The following LRRC20 variants were observed in gnomAD, a reference collection of about 807,000 sequenced individuals.
The protein encoded by LRRC20 is leucine rich repeat containing 20, also known as leucine-rich repeat-containing protein 20.
LRRC20 carries 11 observed loss-of-function variants against 14.4 expected under a neutral mutation model. The ratio of observed to expected loss-of-function variants is 0.77; its 90% CI spans 0.48 to 1.27. The LOEUF (loss-of-function observed/expected upper bound fraction) is 1.27. Ranked by LOEUF, LRRC20 falls within the 50% of genes most tolerant of loss-of-function variation. LRRC20 has a pLI of 0.00. For missense variants in LRRC20, 219 were observed against 251.2 expected, an observed-to-expected ratio of 0.87 and a Z score of 0.87; for synonymous variants, 121 against 107.3, an observed-to-expected ratio of 1.13 and a Z score of -0.79.
chr10:70,367,530 A>G (rs919231576), intron 2 of LRRC20, among the ~76,000 whole-genome samples: 27 of 152,182 alleles, frequency 1.8e-4, no homozygotes, highest in Non-Finnish European at 3.5e-4. Flanking sequence ...GAAAGGAACA[A>G]ACTACTGATT....
intron 2 of LRRC20, among the ~76,000 whole-genome samples, chr10:70,356,083 G>A (rs10823528): frequency 0.07 from 10,610 of 152,272 alleles, 422 homozygotes; most frequent in South Asian, 0.15. Context: ...GACCTAGAAA[G>A]CAATATCTTC....
rs1015313560 is a variant in LRRC20 at position 70,318,144 on chromosome 10, C to T, written c.400+5719G>A. On this transcript the variant is annotated intron_variant, in intron 4 of 4. Transcript: ENST00000446961. The stretch of plus-strand genomic sequence containing the variant: ...CTTCCGGAATGCCCATGCTGCCAGC[C>T]TATTGAAGCCACTTTGAGAATTGAG... 7.9e-5 allele frequency among the ~76,000 whole-genome samples: 12 copies of T among 152,188 alleles called. No homozygotes were observed. The South Asian group carries it at 2.3e-3, about 29-fold the overall frequency.
At chr10:70,353,897 T>C (rs1843422197) in intron 2 of LRRC20, among the ~76,000 whole-genome samples, 1 of 152,154 alleles carries the variant, frequency 6.6e-6, no homozygotes, top group African/African-American at 2.4e-5. Flanking sequence ...ATGGGTTCCC[T>C]GGGAACACTA....
At chr10:70,377,677 G>C (rs1844558273) in intron 1 of LRRC20, among the ~76,000 whole-genome samples, 1 of 152,242 alleles carries the variant, frequency 6.6e-6, no homozygotes, top group Non-Finnish European at 1.5e-5. Context: ...GCGAAGGGCA[G>C]AGAGAAGGGG....
At chr10:70,357,866 G>T in intron 2 of LRRC20, among the ~76,000 whole-genome samples, 1 of 152,192 alleles carries the variant, frequency 6.6e-6, no homozygotes, top group African/African-American at 2.4e-5. Flanking sequence ...TAACAGTATG[G>T]CCACTAATGG....
chr10:70,301,605 G>A (rs35359681), intron 4 of LRRC20, 97 bp from the exon 5 acceptor site: 43,585 of 1,441,368 alleles, frequency 0.03, 804 homozygotes, highest in African/African-American at 0.059. Flanking sequence ...CTGATGGTGA[G>A]GGGCAGCTCT....
At chr10:70,336,181 G>C (rs540618090) in intron 3 of LRRC20, among the ~76,000 whole-genome samples, 1 of 152,152 alleles carries the variant, frequency 6.6e-6, no homozygotes, top group Admixed American at 6.5e-5. Flanking sequence ...TGTGAATTTG[G>C]GCTCTGCTGT....
chr10:70,320,379 A>C (rs1397995723), intron 4 of LRRC20, among the ~76,000 whole-genome samples: 1 of 152,208 alleles, frequency 6.6e-6, no homozygotes, highest in East Asian at 1.9e-4. Flanking sequence ...ACTGAAATTA[A>C]AAGTTACAAC....
In LRRC20 at chr10:70,342,693, T is replaced by C. The variant is rs553709097; in HGVS notation, c.83-1991A>G. Among the ~76,000 whole-genome samples, 13 of 152,308 alleles carry C rather than the reference T, an allele frequency of 8.5e-5. No individual in the cohort carries two copies. In the South Asian group the frequency reaches 2.7e-3, roughly 32 times the overall value. On this transcript the variant is annotated intron_variant, in intron 2 of 4. Coordinates refer to ENST00000446961, the MANE Select transcript of LRRC20 (RefSeq NM_001278212.2). Reference sequence around the variant, plus strand: ...TACTTAGCAGGAATGCTACAAATATTGTAGCAGTCCTCCCCTTCCACTTTA... The same window carrying C: ...TACTTAGCAGGAATGCTACAAATATCGTAGCAGTCCTCCCCTTCCACTTTA...
At chr10:70,365,053 C>CTTTTTTTTTTTT (rs10581759) in intron 2 of LRRC20, among the ~76,000 whole-genome samples, 4 of 71,430 alleles carry the variant, frequency 5.6e-5, no homozygotes, top group African/African-American at 2.1e-4. Flanking sequence ...TGAGATTCAA[C>CTTTTTTTTTTTT]TTTTTTTTTT....
intron 2 of LRRC20, among the ~76,000 whole-genome samples, chr10:70,371,402 C>G (rs907470385): frequency 6.6e-6 from 1 of 152,094 alleles, no homozygotes; most frequent in East Asian, 1.9e-4. Flanking sequence ...TGCCTGGGGG[C>G]TCCCAGGGAT....
chr10:70,335,818 A>G (rs1477429579), intron 3 of LRRC20, among the ~76,000 whole-genome samples: 3 of 152,218 alleles, frequency 2.0e-5, no homozygotes, highest in Non-Finnish European at 4.4e-5. Context: ...AAGATGCTTT[A>G]GAAACTCCTT....
intron 2 of LRRC20, among the ~76,000 whole-genome samples, chr10:70,375,971 A>C (rs943210635): frequency 6.6e-6 from 1 of 152,216 alleles, no homozygotes; most frequent in African/African-American, 2.4e-5. Flanking sequence ...AAAATAGTGG[A>C]GTGTAAAGGG....
intron 3 of LRRC20, among the ~76,000 whole-genome samples, chr10:70,327,382 C>T (rs558165251): frequency 2.0e-5 from 3 of 151,994 alleles, no homozygotes; most frequent in Non-Finnish European, 4.4e-5. Flanking sequence ...CGAGACCAGC[C>T]TGGCCAACAT....
chr10:70,361,970 T>C (rs1055352821), intron 2 of LRRC20, among the ~76,000 whole-genome samples: 1 of 152,208 alleles, frequency 6.6e-6, no homozygotes, highest in African/African-American at 2.4e-5. Flanking sequence ...GTGGATCACA[T>C]GAGACCAGGA....
At chr10:70,328,840 C>T (rs1410023482) in intron 3 of LRRC20, among the ~76,000 whole-genome samples, 4 of 152,078 alleles carry the variant, frequency 2.6e-5, no homozygotes, top group South Asian at 4.1e-4. Context: ...ATTACCTGAA[C>T]CCGGGAGGCG....
chr10:70,375,252 C>T (rs1293477287), intron 2 of LRRC20, among the ~76,000 whole-genome samples: 1 of 152,186 alleles, frequency 6.6e-6, no homozygotes, highest in Non-Finnish European at 1.5e-5. Context: ...TAGCTAAGCT[C>T]AGCAAACACT....
intron 2 of LRRC20, among the ~76,000 whole-genome samples, chr10:70,341,186 C>G (rs1039608787): frequency 2.0e-5 from 3 of 152,224 alleles, no homozygotes; most frequent in African/African-American, 7.2e-5. Flanking sequence ...AAGCCTCGTA[C>G]AAGCAGCAGT....
At chr10:70,316,644 C>A (rs1490582300) in intron 4 of LRRC20, among the ~76,000 whole-genome samples, 2 of 152,242 alleles carry the variant, frequency 1.3e-5, no homozygotes, top group African/African-American at 4.8e-5. Flanking sequence ...GCAGGGGCTG[C>A]AAACAGGAGC....
Sources: gnomAD v4.1 joint callset for allele counts (sites outside exome capture counted in the v4.1 genomes callset) on GRCh38, gnomAD v4.1.1 for gene constraint, MANE v1.5 for transcripts, NCBI Gene and HGNC (gene_info 2026-07-23, HGNC 2026-07-21) for gene names.